The following DLG2 variants were observed in gnomAD, a reference collection of about 807,000 sequenced individuals.
DLG2 encodes the protein disks large homolog 2.
DLG2 carries 45 observed loss-of-function variants against 132.5 expected under a neutral mutation model. The ratio of observed to expected loss-of-function variants is 0.34; its 90% confidence interval spans 0.27 to 0.44. DLG2 has a LOEUF of 0.44. DLG2 is among the 20% of genes least tolerant of loss of function. The pLI, the probability that DLG2 is intolerant of heterozygous loss-of-function variation, is 1.00. For missense variants in DLG2, 1,045 were observed against 1,196.9 expected (o/e 0.87, Z 1.87); for synonymous variants, 424 against 419.6 (o/e 1.01, Z -0.13).
At chr11:83,966,280 C>T (rs1475323143) in intron 12 of DLG2, among the ~76,000 whole-genome samples, 3 of 151,990 alleles carry the variant, frequency 2.0e-5, no homozygotes, top group Non-Finnish European at 4.4e-5. Context: ...CTTATAGCTT[C>T]GCCAAACCTT....
At chr11:84,869,509 T>C (rs544936065) in intron 6 of DLG2, among the ~76,000 whole-genome samples, 8 of 151,612 alleles carry the variant, frequency 5.3e-5, no homozygotes, top group Non-Finnish European at 7.3e-5. Context: ...AAAAAGCTTC[T>C]TCCTCTTCAA....
At position 84,747,487 on chromosome 11, in the gene DLG2, T is replaced by C. The variant is rs536129869; in HGVS notation, c.358-212756A>G. 5.9e-5 allele frequency among the ~76,000 whole-genome samples: 9 copies of C among 152,322 alleles called. 1 individual carries two copies. In the South Asian group the frequency reaches 1.9e-3, roughly 32 times the overall value. On this transcript the variant is annotated intron_variant, in intron 6 of 27. Coordinates refer to ENST00000376104, the MANE Select transcript of DLG2 (RefSeq NM_001142699.3). Reference sequence around the variant, plus strand: ...ATGAGTTTGAATTCTAGTTTTGTAATAAACTAGATATGTGATCTTGGGCAA... The same window carrying C: ...ATGAGTTTGAATTCTAGTTTTGTAACAAACTAGATATGTGATCTTGGGCAA...
intron 19 of DLG2, among the ~76,000 whole-genome samples, chr11:83,615,919 T>C (rs183568406): frequency 2.0e-5 from 3 of 152,340 alleles, no homozygotes; most frequent in South Asian, 2.1e-4. Flanking sequence ...ATATACAAAA[T>C]TGTAAGATGA....
intron 6 of DLG2, among the ~76,000 whole-genome samples, chr11:84,824,812 C>T (rs983303618): frequency 2.6e-5 from 4 of 151,810 alleles, no homozygotes; most frequent in African/African-American, 9.7e-5. Flanking sequence ...CTAACAATTA[C>T]CAGACGCCCA....
At chr11:83,783,581 T>G (rs1016748226) in intron 18 of DLG2, among the ~76,000 whole-genome samples, 2 of 152,174 alleles carry the variant, frequency 1.3e-5, no homozygotes, top group Non-Finnish European at 2.9e-5. Context: ...AATGGTAGGC[T>G]TTTATCCACT....
At chr11:85,045,396 C>G (rs2062242191) in intron 6 of DLG2, among the ~76,000 whole-genome samples, 1 of 151,978 alleles carries the variant, frequency 6.6e-6, no homozygotes, top group Non-Finnish European at 1.5e-5. Context: ...GGAATGGCTT[C>G]CCTAAGAAAC....
chr11:85,240,785 T>A (rs1425712307), intron 4 of DLG2, among the ~76,000 whole-genome samples: 1 of 151,860 alleles, frequency 6.6e-6, no homozygotes, highest in African/African-American at 2.4e-5. Context: ...GCATGGTGTC[T>A]TATTACTATA....
chr11:85,276,591 G>A (rs2077904869), intron 4 of DLG2, among the ~76,000 whole-genome samples: 1 of 151,980 alleles, frequency 6.6e-6, no homozygotes, highest in South Asian at 2.1e-4. Context: ...TGAAGGATAG[G>A]GTGAGCTGTA....
At chr11:84,049,005 T>C (rs2096296222) in intron 11 of DLG2, among the ~76,000 whole-genome samples, 1 of 151,654 alleles carries the variant, frequency 6.6e-6, no homozygotes. Context: ...AAGACAGCTC[T>C]AGGCCTATCA....
chr11:84,811,024 G>T (rs947613042), intron 6 of DLG2, among the ~76,000 whole-genome samples: 4 of 152,220 alleles, frequency 2.6e-5, no homozygotes, highest in Non-Finnish European at 4.4e-5. Flanking sequence ...TAAATATTTT[G>T]ATTGTAATAT....
At position 85,554,758 on chromosome 11, in the gene DLG2, C is replaced by T. The variant is rs146177711; in HGVS notation, c.40+43899G>A. Reference sequence around the variant, plus strand: ...GCACCAGAGGTCACAAGATTTGCAACTTCCCCAATTGCTCCTATAGGTAAC... The same window carrying T: ...GCACCAGAGGTCACAAGATTTGCAATTTCCCCAATTGCTCCTATAGGTAAC... On this transcript the variant is annotated intron_variant, in intron 3 of 27. Transcript: ENST00000376104. 4.8e-3 allele frequency among the ~76,000 whole-genome samples: 718 copies of T among 150,624 alleles called. 10 individuals are homozygous for T. The highest frequency in any genetic ancestry group is 8.8e-3 in the Non-Finnish European group (599 of 67,842).
chr11:85,449,206 T>C (rs1176340633), intron 3 of DLG2, among the ~76,000 whole-genome samples: 3 of 152,266 alleles, frequency 2.0e-5, no homozygotes. Context: ...CAGAGAATTA[T>C]GTCTTCCATC....
At chr11:85,312,645 A>C (rs1333321144) in intron 3 of DLG2, among the ~76,000 whole-genome samples, 1 of 151,914 alleles carries the variant, frequency 6.6e-6, no homozygotes, top group Non-Finnish European at 1.5e-5. Flanking sequence ...AATTCAAGGC[A>C]GATTTGTCTC....
At chr11:85,432,334 T>A (rs1256098720) in intron 3 of DLG2, among the ~76,000 whole-genome samples, 1 of 152,100 alleles carries the variant, frequency 6.6e-6, no homozygotes, top group African/African-American at 2.4e-5. Flanking sequence ...GATAGATGAA[T>A]TGACAGAAGT....
At chr11:84,491,941 G>C (rs1448529237) in intron 7 of DLG2, among the ~76,000 whole-genome samples, 1 of 151,976 alleles carries the variant, frequency 6.6e-6, no homozygotes, top group Non-Finnish European at 1.5e-5. Flanking sequence ...TCCTATAAAA[G>C]GAAAGTGTGT....
chr11:84,897,646 C>CT (rs1238636256), intron 6 of DLG2, among the ~76,000 whole-genome samples: 4 of 151,704 alleles, frequency 2.6e-5, no homozygotes, highest in African/African-American at 9.7e-5. Context: ...TTCTAGGAGA[C>CT]TATAAAGATT....
At chr11:84,163,593 G>T in intron 8 of DLG2, 82 bp from the exon 9 acceptor site, 1 of 1,182,394 alleles carries the variant, frequency 8.5e-7, no homozygotes, top group Non-Finnish European at 1.2e-6. Context: ...AATGCTTGGG[G>T]GTGAAATTTT....
chr11:84,886,346 A>C (rs530563325), intron 6 of DLG2, among the ~76,000 whole-genome samples: 1 of 152,148 alleles, frequency 6.6e-6, no homozygotes. Flanking sequence ...AGAAACAACA[A>C]GATCATTTTC....
intron 25 of DLG2, among the ~76,000 whole-genome samples, chr11:83,468,557 T>C (rs2091533432): frequency 6.6e-6 from 1 of 152,184 alleles, no homozygotes; most frequent in Admixed American, 6.5e-5. Flanking sequence ...AGAAAGGTCA[T>C]GGCAAATCAA....
Sources: gnomAD v4.1 joint callset for allele counts (sites outside exome capture counted in the v4.1 genomes callset) on GRCh38, gnomAD v4.1.1 for gene constraint, MANE v1.5 for transcripts, NCBI Gene and HGNC (gene_info 2026-07-23, HGNC 2026-07-21) for gene names.